Variants in CAPN3 observed in about 807,000 individuals in gnomAD.
CAPN3 encodes the protein calpain 3.
Under a neutral mutation model 114.0 loss-of-function variants are expected in CAPN3, and 88 were observed. The ratio of observed to expected loss-of-function variants is 0.77; its 90% CI spans 0.65 to 0.92. The LOEUF (loss-of-function observed/expected upper bound fraction) is 0.92. Ranked by LOEUF, CAPN3 falls within the 40% of genes least tolerant of loss-of-function variation. CAPN3 has a pLI of 0.00. For synonymous variants in CAPN3, 386 were observed against 382.9 expected (o/e 1.01, Z -0.09); for missense variants, 1,028 against 1,069.0 (o/e 0.96, Z 0.53).
intron 5 of CAPN3, 125 bp downstream of exon 5, chr15:42,389,221 C>G (rs969692050): frequency 1.1e-6 from 1 of 892,016 alleles, no homozygotes; most frequent in Non-Finnish European, 1.8e-6. Context: ...GAAGCAGGAA[C>G]TGGCTCTCAA....
chr15:42,402,815 C>G lies in CAPN3; in HGVS notation c.1558C>G (p.Leu520Val). 6.2e-7 allele frequency: 1 copy of G among 1,614,176 alleles called. No homozygotes were observed. Among genetic ancestry groups the G allele is most frequent in the Non-Finnish European group, 8.5e-7 (1 of 1,180,012 alleles). ...PKEMHGNKQH[L>V]QKDFFLYNAS... is the part of the protein sequence containing the mutation. Reference sequence around the variant, plus strand: ...TCAGATGCACGGGAACAAGCAGCACCTGCAGAAGGACTTCTTCCTGTACAA... The same window carrying G: ...TCAGATGCACGGGAACAAGCAGCACGTGCAGAAGGACTTCTTCCTGTACAA... The change falls in exon 13 of 24, where the codon CTG (leucine) becomes GTG (valine). Residue 520 changes from leucine to valine, a missense_variant. Coordinates refer to ENST00000397163, the MANE Select transcript of CAPN3 (RefSeq NM_000070.3).
intron 3 of CAPN3, among the ~76,000 whole-genome samples, chr15:42,387,108 C>T (rs7168709): frequency 6.6e-6 from 1 of 151,996 alleles, no homozygotes; most frequent in Non-Finnish European, 1.5e-5. Context: ...AAGGGCCTTA[C>T]ATACAAATAT....
At chr15:42,389,270 T>C (rs1467352744) in intron 5 of CAPN3, among the ~76,000 whole-genome samples, 174 bp downstream of exon 5, 1 of 152,142 alleles carries the variant, frequency 6.6e-6, no homozygotes, top group East Asian at 1.9e-4. Context: ...GAACAGTTCT[T>C]CCGGATTTTC....
chr15:42,372,403 C>T (rs1306103696), intron 1 of CAPN3, among the ~76,000 whole-genome samples: 2 of 152,216 alleles, frequency 1.3e-5, no homozygotes, highest in Non-Finnish European at 2.9e-5. Context: ...AGGTGACCCC[C>T]TACCCTTGGC....
intron 1 of CAPN3, among the ~76,000 whole-genome samples, chr15:42,368,495 C>T (rs1309292501): frequency 1.3e-5 from 2 of 152,000 alleles, no homozygotes; most frequent in Admixed American, 6.5e-5. Context: ...AATCAATAAA[C>T]AATAATTTAA....
intron 1 of CAPN3, among the ~76,000 whole-genome samples, chr15:42,362,200 G>A (rs532935155): frequency 9.3e-4 from 141 of 152,292 alleles, no homozygotes; most frequent in African/African-American, 3.2e-3. Context: ...CATCAATTGA[G>A]CTCAGGAGTT....
intron 1 of CAPN3, 54 bp from the exon 2 acceptor site, chr15:42,384,429 C>A: frequency 7.9e-7 from 1 of 1,261,830 alleles, no homozygotes; most frequent in Non-Finnish European, 1.2e-6. Context: ...ACCTATCTAT[C>A]TATCTGTCTA....
rs751104396 is a variant in CAPN3, at chr15:42,401,788, C to G, written c.1502C>G (p.Thr501Ser). 2 of 1,613,862 alleles carry G rather than the reference C, an allele frequency of 1.2e-6. No homozygotes were observed. Among genetic ancestry groups the G allele is most frequent in the South Asian group, 2.2e-5 (2 of 91,036 alleles). The stretch of plus-strand genomic sequence containing the variant: ...CGGAAGCTAGGGGCCAGTCTCTTCA[C>G]CATTGGCTTCGCCATCTACGAGGTG... ...KDRKLGASLF[T>S]IGFAIYEVPK... The change falls in exon 11 of 24, where the codon ACC becomes AGC. Residue 501 changes from threonine to serine, a missense_variant. Transcript: ENST00000397163.
intron 12 of CAPN3, 161 bp downstream of exon 12, chr15:42,402,296 G>A: frequency 6.3e-7 from 1 of 1,577,112 alleles, no homozygotes; most frequent in Non-Finnish European, 8.6e-7. Context: ...AGGTGCCTCA[G>A]GGCATTGCAT....
At chr15:42,370,191 G>A (rs1356746090) in intron 1 of CAPN3, among the ~76,000 whole-genome samples, 1 of 152,030 alleles carries the variant, frequency 6.6e-6, no homozygotes, top group Non-Finnish European at 1.5e-5. Context: ...GCACTTTCAA[G>A]TTGGAAGCTT....
intron 2 of CAPN3, among the ~76,000 whole-genome samples, chr15:42,385,353 A>G (rs1218382475): frequency 6.6e-6 from 1 of 152,090 alleles, no homozygotes; most frequent in Non-Finnish European, 1.5e-5. Flanking sequence ...GGGACCTTCA[A>G]ACCAATAACC....
rs928741882 is a variant in CAPN3 at position 42,411,429 on chromosome 15, GCTC to G, written c.2439+88_2439+90del. Reference sequence around the variant, plus strand: ...ACGGGGCGGACTGGACCCAGGGTGTGCTCCTCATTTCCACACAGTGGTGGAGGG... The same window carrying G: ...ACGGGGCGGACTGGACCCAGGGTGTGCTCATTTCCACACAGTGGTGGAGGG... On this transcript the variant is annotated intron_variant, in intron 23 of 23. Transcript: ENST00000397163. The G allele has an allele frequency of 4.2e-5, 52 of 1,229,584 alleles. No individual in the cohort carries two copies. The East Asian group carries it at 4.4e-4, about 10-fold the overall frequency. 76.2% of individuals were successfully genotyped at this position (1,229,584 alleles called of 1,614,324 possible).
intron 22 of CAPN3, 129 bp downstream of exon 22, chr15:42,411,129 A>ACCTCTTT (rs2054211572): frequency 2.5e-5 from 26 of 1,021,724 alleles, no homozygotes; most frequent in Admixed American, 2.4e-4. Flanking sequence ...TTAGGCCCAG[A>ACCTCTTT]ATGGGATGGC....
At chr15:42,371,689 C>A (rs956293926) in intron 1 of CAPN3, among the ~76,000 whole-genome samples, 3 of 152,122 alleles carry the variant, frequency 2.0e-5, no homozygotes, top group African/African-American at 7.2e-5. Context: ...TTAGGCTGGG[C>A]GTGGTGGCTC....
rs2053741320 is a variant in CAPN3 at position 42,397,712 on chromosome 15, A to AT, written c.1193+841dup. On this transcript the variant is annotated intron_variant, in intron 9 of 23. Coordinates refer to ENST00000397163, the MANE Select transcript of CAPN3 (RefSeq NM_000070.3). The stretch of plus-strand genomic sequence containing the variant: ...AGGTTTTTTGTGTTTTTATTACTTT[A>AT]TTTTTTATTTAAAAACTATAATAGA... Among the ~76,000 whole-genome samples the AT allele has an allele frequency of 5.3e-5, 8 of 151,432 alleles. No homozygotes were observed. In the South Asian group the frequency reaches 1.7e-3, roughly 32 times the overall value.
At chr15:42,401,473 G>GCGC (rs1398447966) in intron 10 of CAPN3, among the ~76,000 whole-genome samples, 168 bp from the exon 11 acceptor site, 18 of 72,796 alleles carry the variant, frequency 2.5e-4, no homozygotes, top group African/African-American at 7.2e-4. Context: ...TAAAGGTAGC[G>GCGC]CCCCCCCCCC....
chr15:42,409,825 T>A lies in CAPN3; in HGVS notation c.2031T>A (p.Leu677=), dbSNP rs931512687. ...GTGCAGATGAGCTCAAGAAGGTCCT[T>A]AACACAGTCGTGAACAAACGTGAGT... ...EICADELKKV[L]NTVVNKHKDL... is the part of the protein sequence containing the mutation. The change falls in exon 18 of 24, where the codon CTT becomes CTA. Residue 677 remains leucine, a synonymous_variant. Coordinates refer to ENST00000397163, the MANE Select transcript of CAPN3 (RefSeq NM_000070.3). The A allele has an allele frequency of 6.6e-7, 1 of 1,506,550 alleles. No individual in the cohort carries two copies. Among genetic ancestry groups the A allele is most frequent in the Non-Finnish European group, 8.9e-7 (1 of 1,127,384 alleles). 93.3% of individuals were successfully genotyped at this position (1,506,550 alleles called of 1,614,324 possible). A position where few individuals can be genotyped will look rare whatever the true frequency, so the allele number is the denominator to read the frequency against.
At chr15:42,385,787 C>CA in intron 2 of CAPN3, 2 of 530,444 alleles carry the variant, frequency 3.8e-6, no homozygotes, top group Non-Finnish European at 3.7e-6. Context: ...GAATTGGACT[C>CA]ACATTGCAAA....
chr15:42,380,141 G>A (rs1226148717), intron 1 of CAPN3, among the ~76,000 whole-genome samples: 1 of 152,080 alleles, frequency 6.6e-6, no homozygotes, highest in Non-Finnish European at 1.5e-5. Context: ...ACAACATATA[G>A]TCGAGTCTTG....
Sources: allele counts gnomAD v4.1 joint callset (sites outside exome capture counted in the v4.1 genomes callset), GRCh38; gene constraint gnomAD v4.1.1; transcripts MANE v1.5; gene names NCBI Gene and HGNC (gene_info 2026-07-23, HGNC 2026-07-21).